GLRB: variants seen among roughly 807,000 people sequenced by gnomAD.
GLRB encodes glycine receptor subunit beta.
A neutral mutation model predicts 54.2 loss-of-function variants in GLRB; 33 were observed. The ratio of observed to expected loss-of-function variants is 0.61; its 90% CI spans 0.46 to 0.81. GLRB has a LOEUF of 0.81. Among genes scored for constraint, GLRB ranks in the 40% least tolerant of loss-of-function variants. GLRB has a pLI of 0.00. For synonymous variants in GLRB, 209 were observed against 208.2 expected, an observed-to-expected ratio of 1.00 and a Z score of -0.03; for missense variants, 572 against 584.6, an observed-to-expected ratio of 0.98 and a Z score of 0.22.
chr4:157,111,659 T>C (rs1173846097), intron 2 of GLRB, among the ~76,000 whole-genome samples: 1 of 152,058 alleles, frequency 6.6e-6, no homozygotes, highest in African/African-American at 2.4e-5. Flanking sequence ...TGTTGTTGAA[T>C]TTTTATGTCC....
intron 9 of GLRB, among the ~76,000 whole-genome samples, chr4:157,165,046 T>C (rs964155574): frequency 2.6e-5 from 4 of 152,116 alleles, no homozygotes; most frequent in Admixed American, 2.0e-4. Context: ...GAGTTAAGAA[T>C]TGACCAGAAA....
At chr4:157,105,356 G>T (rs1277291791) in intron 2 of GLRB, among the ~76,000 whole-genome samples, 1 of 151,890 alleles carries the variant, frequency 6.6e-6, no homozygotes, top group Admixed American at 6.6e-5. Context: ...CTGATTTCCA[G>T]TTTCATTCCA....
intron 3 of GLRB, among the ~76,000 whole-genome samples, chr4:157,121,619 T>C (rs1341540460): frequency 1.3e-5 from 2 of 151,694 alleles, no homozygotes; most frequent in Non-Finnish European, 3.0e-5. Flanking sequence ...ATGTCTACCA[T>C]ATATTGATTC....
At chr4:157,108,478 T>C (rs960647036) in intron 2 of GLRB, among the ~76,000 whole-genome samples, 4 of 152,076 alleles carry the variant, frequency 2.6e-5, no homozygotes, top group African/African-American at 9.7e-5. Context: ...AAAACTTCAG[T>C]GGAGGAATTA....
chr4:157,119,274 A>T (rs1425389782), intron 2 of GLRB, among the ~76,000 whole-genome samples: 2 of 151,606 alleles, frequency 1.3e-5, no homozygotes, highest in Non-Finnish European at 3.0e-5. Context: ...CTGCCTCCCA[A>T]GCTGCCATAT....
At chr4:157,136,291 C>T in intron 4 of GLRB, 178 bp from the exon 5 acceptor site, 2 of 605,898 alleles carry the variant, frequency 3.3e-6, no homozygotes, top group Non-Finnish European at 5.9e-6. Flanking sequence ...AGACAAGTGT[C>T]TTTATACTGC....
intron 8 of GLRB, among the ~76,000 whole-genome samples, chr4:157,152,255 T>C (rs984568790): frequency 6.6e-6 from 1 of 152,152 alleles, no homozygotes; most frequent in Non-Finnish European, 1.5e-5. Flanking sequence ...TTATGAACCT[T>C]ATCAAAACAT....
intron 4 of GLRB, among the ~76,000 whole-genome samples, chr4:157,128,247 T>A (rs1290686615): frequency 6.6e-6 from 1 of 151,840 alleles, no homozygotes; most frequent in Admixed American, 6.6e-5. Flanking sequence ...GTTACCTTTT[T>A]TTAGTGTACG....
At chr4:157,083,656 A>C (rs1236122272) in intron 2 of GLRB, among the ~76,000 whole-genome samples, 1 of 152,142 alleles carries the variant, frequency 6.6e-6, no homozygotes, top group Admixed American at 6.6e-5. Context: ...CCCACAGAGA[A>C]TTATGTTTTA....
intron 3 of GLRB, among the ~76,000 whole-genome samples, chr4:157,121,595 G>T (rs1267387831): frequency 6.6e-6 from 1 of 151,404 alleles, no homozygotes; most frequent in East Asian, 1.9e-4. Flanking sequence ...AACAGCCATG[G>T]TCTGGGTTGT....
intron 2 of GLRB, among the ~76,000 whole-genome samples, chr4:157,088,768 T>C (rs1270800933): frequency 6.6e-6 from 1 of 152,174 alleles, no homozygotes; most frequent in African/African-American, 2.4e-5. Flanking sequence ...TTTGCTCCCC[T>C]ATGTTTTAAA....
At chr4:157,125,818 C>T (rs1329114902) in intron 4 of GLRB, among the ~76,000 whole-genome samples, 2 of 151,852 alleles carry the variant, frequency 1.3e-5, no homozygotes, top group South Asian at 2.1e-4. Context: ...CATGGTGGTG[C>T]ACACCAGTAA....
chr4:157,077,980 T>G lies in GLRB; in HGVS notation c.-29-16T>G. The G allele has an allele frequency of 6.5e-7, 1 of 1,539,432 alleles. No homozygotes were observed. The highest frequency in any genetic ancestry group is 9.0e-7 in the Non-Finnish European group (1 of 1,116,846). On this transcript the variant is annotated splice_polypyrimidine_tract_variant and intron_variant, in intron 1 of 9. Coordinates refer to ENST00000264428, the MANE Select transcript of GLRB (RefSeq NM_000824.5). ...TTTCTTCATAAATGTAAACATTTTC[T>G]TGTTCTCTCTTGTAGATCGATCTTC...
At chr4:157,130,561 T>A (rs954868799) in intron 4 of GLRB, among the ~76,000 whole-genome samples, 1 of 151,700 alleles carries the variant, frequency 6.6e-6, no homozygotes, top group African/African-American at 2.4e-5. Context: ...TGCTGTAACA[T>A]GTGTCAGAAT....
intron 9 of GLRB, among the ~76,000 whole-genome samples, chr4:157,159,083 C>G (rs572480467): frequency 2.5e-4 from 38 of 152,266 alleles, no homozygotes; most frequent in African/African-American, 8.9e-4. Context: ...ATTTTATTCT[C>G]TTTGAAGCAA....
intron 9 of GLRB, among the ~76,000 whole-genome samples, chr4:157,160,681 A>C (rs1172852711): frequency 1.3e-5 from 2 of 152,048 alleles, no homozygotes; most frequent in Non-Finnish European, 2.9e-5. Context: ...GTTTGATTGC[A>C]CTGTGGTCTG....
chr4:157,158,684 G>C (rs564229535), intron 9 of GLRB, among the ~76,000 whole-genome samples: 1 of 152,196 alleles, frequency 6.6e-6, no homozygotes, highest in South Asian at 2.1e-4. Flanking sequence ...CTGTTCTGTT[G>C]GTCTATATCT....
chr4:157,087,146 G>A (rs1192100032), intron 2 of GLRB, among the ~76,000 whole-genome samples: 1 of 152,142 alleles, frequency 6.6e-6, no homozygotes, highest in Non-Finnish European at 1.5e-5. Context: ...ATGGATAGCT[G>A]ATGATATAGA....
chr4:157,094,991 T>G (rs1041357968), intron 2 of GLRB, among the ~76,000 whole-genome samples: 2 of 152,122 alleles, frequency 1.3e-5, no homozygotes, highest in African/African-American at 4.8e-5. Flanking sequence ...TTCAAAAGAG[T>G]CAAAAATTTT....
Sources: allele counts gnomAD v4.1 joint callset (sites outside exome capture counted in the v4.1 genomes callset), GRCh38; gene constraint gnomAD v4.1.1; transcripts MANE v1.5; gene names NCBI Gene and HGNC (gene_info 2026-07-23, HGNC 2026-07-21).